The following IL6ST variants were observed in gnomAD, a reference collection of about 807,000 sequenced individuals.
IL6ST encodes interleukin 6 cytokine family signal transducer, also known as interleukin-6 receptor subunit beta.
In IL6ST, 24 loss-of-function variants were observed where a neutral mutation model predicts 91.3. That is an observed-to-expected ratio of 0.26 (90% CI 0.19 to 0.37). The LOEUF (loss-of-function observed/expected upper bound fraction) is 0.37. Among genes scored for constraint, IL6ST ranks in the 10% least tolerant of loss-of-function variants. The pLI is 1.00. For missense variants in IL6ST, 914 were observed against 1,078.5 expected (o/e 0.85, Z 2.14); for synonymous variants, 351 against 373.6 (o/e 0.94, Z 0.70).
At chr5:55,981,977 T>C (rs903787152) in intron 2 of IL6ST, among the ~76,000 whole-genome samples, 2 of 152,324 alleles carry the variant, frequency 1.3e-5, no homozygotes, top group Non-Finnish European at 2.9e-5. Flanking sequence ...AGATGATGTA[T>C]AACAAGTATT....
intron 1 of IL6ST, among the ~76,000 whole-genome samples, chr5:55,994,459 G>A (rs1400448018): frequency 6.6e-6 from 1 of 152,124 alleles, no homozygotes; most frequent in Admixed American, 6.5e-5. Flanking sequence ...AAGGGGATTG[G>A]GAAAAACGTG....
At position 55,982,286 on chromosome 5, in the gene IL6ST, A is replaced by C. The variant is rs770817884; in HGVS notation, c.-16+438T>G. Among the ~76,000 whole-genome samples the C allele has an allele frequency of 7.9e-4, 120 of 152,318 alleles. 1 individual carries two copies. The highest frequency in any genetic ancestry group is 1.4e-3 in the Non-Finnish European group (95 of 68,016). On this transcript the variant is annotated intron_variant, in intron 2 of 16. Transcript: ENST00000381298. The stretch of plus-strand genomic sequence containing the variant: ...TGCATGTGAAAAAGAATGTCAATAT[A>C]AACTTTGTTACTATGGTAACATTAC...
chr5:55,987,396 T>C (rs981827020), intron 1 of IL6ST, among the ~76,000 whole-genome samples: 1 of 152,226 alleles, frequency 6.6e-6, no homozygotes, highest in Non-Finnish European at 1.5e-5. Flanking sequence ...CTAATTACTA[T>C]ATTAACAGAC....
chr5:55,973,684 T>C (rs1753095710), intron 3 of IL6ST, among the ~76,000 whole-genome samples: 1 of 152,242 alleles, frequency 6.6e-6, no homozygotes, highest in Non-Finnish European at 1.5e-5. Context: ...TGTGCCTGCC[T>C]ATCTATAGTC....
At position 55,951,850 on chromosome 5, in the gene IL6ST, A is replaced by AGAAGAACAGACTT; in HGVS notation, c.1699+66_1699+78dup. 3.2e-6 allele frequency: 3 copies of AGAAGAACAGACTT among 926,334 alleles called. 1 individual carries two copies. The South Asian group carries it at 5.1e-5, about 16-fold the overall frequency. The allele number at this position is 926,334 out of a possible 1,614,324, so 57.4% of individuals were successfully genotyped here. ...AGGCCAATATACTATAAGATGTATA[A>AGAAGAACAGACTT]GAAGAACAGACTTAAATTAGTACTT... On this transcript the variant is annotated intron_variant, in intron 13 of 16. Transcript: ENST00000381298.
rs2112644314 is a variant in IL6ST at position 55,937,700 on chromosome 5, T to TAATATAATCG, written c.*3381_*3382insCGATTATATT. 5.1e-6 allele frequency: 1 copy of TAATATAATCG among 195,272 alleles called. No individual in the cohort carries two copies. The highest frequency in any genetic ancestry group is 2.3e-5 in the African/African-American group (1 of 43,382). The allele number at this position is 195,272 out of a possible 1,614,324, so 12.1% of individuals were successfully genotyped here. On this transcript the variant is annotated 3_prime_UTR_variant, in exon 17 of 17. Transcript: ENST00000381298. ...GTAATCTTATCAGCACAATATAATCTAACAATACCTGTAATAGAAAGCTAT... is the reference window on the plus strand; with the variant it reads ...GTAATCTTATCAGCACAATATAATCTAATATAATCGAACAATACCTGTAATAGAAAGCTAT...
intron 8 of IL6ST, chr5:55,959,572 T>A (rs1210727932): frequency 3.4e-6 from 3 of 891,836 alleles, no homozygotes; most frequent in African/African-American, 3.5e-5. Context: ...GTGCCTTTTT[T>A]ATTCTATATC....
At chr5:55,954,754 G>T in intron 11 of IL6ST, 56 bp downstream of exon 11, 1 of 1,342,750 alleles carries the variant, frequency 7.4e-7, no homozygotes. Flanking sequence ...AAAAGAAAAA[G>T]CTGCCTAAAG....
In IL6ST at chr5:55,968,270, A is replaced by G. The variant is rs1752753452; in HGVS notation, c.491+6T>C. ...TCTAACATGAAACAAATTTAAAATA[A>G]CGTACCATTCAGATTTTAAAGTGAA... is the stretch of plus-strand genomic sequence containing the variant. On this transcript the variant is annotated splice_donor_region_variant and intron_variant, in intron 5 of 16. Transcript: ENST00000381298. The G allele has an allele frequency of 6.3e-7, 1 of 1,577,816 alleles. No homozygotes were observed. Among genetic ancestry groups the G allele is most frequent in the Admixed American group, 2.0e-5 (1 of 50,030 alleles).
At chr5:55,952,453 T>G in intron 11 of IL6ST, 102 bp from the exon 12 acceptor site, 1 of 652,836 alleles carries the variant, frequency 1.5e-6, no homozygotes, top group Non-Finnish European at 2.6e-6. Flanking sequence ...CACTTAATTT[T>G]CTTTTAAAAC....
chr5:55,942,617 T>C (rs1750989616), intron 16 of IL6ST, 53 bp downstream of exon 16: 4 of 911,228 alleles, frequency 4.4e-6, no homozygotes, highest in Admixed American at 3.8e-5. Context: ...ATACTCAATA[T>C]ACCTACTAAC....
In IL6ST at chr5:55,935,793, C is replaced by A; in HGVS notation, c.*5289G>T. ...AAGCTTAAATGGAAAGTTAAGCAAT[C>A]CTGAACAAGAAAACTCTCTCACTGC... is the stretch of plus-strand genomic sequence containing the variant. On this transcript the variant is annotated 3_prime_UTR_variant, in exon 17 of 17. Transcript: ENST00000381298. The A allele has an allele frequency of 4.6e-6, 1 of 216,822 alleles. No homozygotes were observed. The highest frequency in any genetic ancestry group is 9.3e-6 in the Non-Finnish European group (1 of 107,770). The allele number at this position is 216,822 out of a possible 1,614,324, so 13.4% of individuals were successfully genotyped here.
chr5:55,956,192 T>G lies in IL6ST; in HGVS notation c.1100A>C (p.Glu367Ala). ...TGATTTCCATCTTGTGAGAGTCACTTCATAATCCAAGATTTTTCCATTGGC... is the reference window on the plus strand; with the variant it reads ...TGATTTCCATCTTGTGAGAGTCACTGCATAATCCAAGATTTTTCCATTGGC... ...FEANGKILDYEVTLTRWKSHL... is the reference protein window; with the variant it reads ...FEANGKILDYAVTLTRWKSHL... Residue 367 changes from glutamate (E) to alanine (A), a missense_variant, in exon 10 of 17, where the codon GAA (glutamate) becomes GCA (alanine). Coordinates refer to ENST00000381298, the MANE Select transcript of IL6ST (RefSeq NM_002184.4). 6.2e-7 allele frequency: 1 copy of G among 1,612,004 alleles called. No individual in the cohort carries two copies. The highest frequency in any genetic ancestry group is 8.5e-7 in the Non-Finnish European group (1 of 1,178,146).
chr5:55,943,103 A>G (rs1751019740), intron 15 of IL6ST, among the ~76,000 whole-genome samples: 2 of 152,160 alleles, frequency 1.3e-5, no homozygotes, highest in African/African-American at 4.8e-5. Context: ...ATAACAAATT[A>G]ATGTTCCCAC....
intron 15 of IL6ST, among the ~76,000 whole-genome samples, chr5:55,943,310 C>CAGAT (rs1314937608): frequency 6.6e-6 from 1 of 152,032 alleles, no homozygotes; most frequent in East Asian, 1.9e-4. Context: ...ATTACCAAAA[C>CAGAT]AGATTGAAGA....
chr5:55,956,148 C>G lies in IL6ST; in HGVS notation c.1144G>C (p.Val382Leu), dbSNP rs1751954068. 1.2e-6 allele frequency: 2 copies of G among 1,611,650 alleles called. No individual in the cohort carries two copies. Among genetic ancestry groups the G allele is most frequent in the African/African-American group, 2.7e-5 (2 of 74,850 alleles). ...RWKSHLQNYT[V>L]NATKLTVNLT... ...TTTACTGTCAGTTTTGTGGCATTAA[C>G]TGTGTAATTTTGTAAATGTGATTTC... Residue 382 changes from valine to leucine, a missense_variant, in exon 10 of 17, where the codon GTT (valine) becomes CTT (leucine). Coordinates refer to ENST00000381298, the MANE Select transcript of IL6ST (RefSeq NM_002184.4).
At chr5:55,973,592 G>A (rs1050846747) in intron 3 of IL6ST, among the ~76,000 whole-genome samples, 12 of 152,214 alleles carry the variant, frequency 7.9e-5, no homozygotes, top group Non-Finnish European at 1.3e-4. Context: ...AAGCGAAGGA[G>A]TCTGAAGATG....
In IL6ST at chr5:55,984,428, A is replaced by C. The variant is rs185334624; in HGVS notation, c.-103-1617T>G. 7.9e-5 allele frequency among the ~76,000 whole-genome samples: 12 copies of C among 152,348 alleles called. No individual in the cohort carries two copies. In the East Asian group the frequency reaches 2.1e-3, roughly 27 times the overall value. On this transcript the variant is annotated intron_variant, in intron 1 of 16. Coordinates refer to ENST00000381298, the MANE Select transcript of IL6ST (RefSeq NM_002184.4). ...GTGGAGTATAATAGGCCTTTAGTAC[A>C]ATATGACTGGTGTCTTTAAAGAGAC...
Position 55,979,923 on chromosome 5 carries a change from T to C in IL6ST, c.-16+2801A>G, listed in dbSNP as rs548374412. ...TGATGGTATACCAAAACCATGTAAA[T>C]GTAAATACTTGTAGCCATTTAAAAA... On this transcript the variant is annotated intron_variant, in intron 2 of 16. Coordinates refer to ENST00000381298, the MANE Select transcript of IL6ST (RefSeq NM_002184.4). Among the ~76,000 whole-genome samples, 4 of 152,318 alleles carry C rather than the reference T, an allele frequency of 2.6e-5. No individual in the cohort carries two copies. The South Asian group carries it at 8.3e-4, about 32-fold the overall frequency.
Sources: gnomAD v4.1 joint callset for allele counts (sites outside exome capture counted in the v4.1 genomes callset) on GRCh38, gnomAD v4.1.1 for gene constraint, MANE v1.5 for transcripts, NCBI Gene and HGNC (gene_info 2026-07-23, HGNC 2026-07-21) for gene names.